Variants in PIK3CB observed in about 807,000 individuals in gnomAD.
The protein encoded by PIK3CB is phosphatidylinositol-4,5-bisphosphate 3-kinase catalytic subunit beta, also known as phosphatidylinositol 4,5-bisphosphate 3-kinase catalytic subunit beta isoform.
In PIK3CB, 39 loss-of-function variants were observed where a neutral mutation model predicts 136.8. The ratio of observed to expected loss-of-function variants is 0.29; its 90% CI spans 0.22 to 0.37. The LOEUF (loss-of-function observed/expected upper bound fraction) is 0.37. Ranked by LOEUF, PIK3CB falls within the 10% of genes least tolerant of loss-of-function variation. The pLI is 1.00. For missense variants in PIK3CB, 868 were observed against 1,275.4 expected (o/e 0.68, Z 4.87); for synonymous variants, 428 against 436.6 (o/e 0.98, Z 0.25).
chr3:138,775,219 C>G (rs1017232887), intron 2 of PIK3CB, among the ~76,000 whole-genome samples: 1 of 152,198 alleles, frequency 6.6e-6, no homozygotes, highest in African/African-American at 2.4e-5. Context: ...ATAATGTCAT[C>G]TCAGTGCTAG....
At chr3:138,823,443 G>A (rs780339909) in intron 1 of PIK3CB, among the ~76,000 whole-genome samples, 1 of 151,190 alleles carries the variant, frequency 6.6e-6, no homozygotes, top group East Asian at 1.9e-4. Context: ...GGTGGCTCAC[G>A]CCTGAAATCC....
At chr3:138,669,688 A>G (rs1430295447) in intron 19 of PIK3CB, among the ~76,000 whole-genome samples, 1 of 152,210 alleles carries the variant, frequency 6.6e-6, no homozygotes, top group Non-Finnish European at 1.5e-5. Flanking sequence ...CATGAAAGGT[A>G]TCAAAAGAGT....
intron 10 of PIK3CB, among the ~76,000 whole-genome samples, chr3:138,710,848 G>A (rs1190116734): frequency 1.3e-5 from 2 of 152,122 alleles, no homozygotes; most frequent in Admixed American, 6.5e-5. Flanking sequence ...ACTCTGGGAG[G>A]CTGAGGTGGG....
At chr3:138,781,479 G>A (rs963776951) in intron 2 of PIK3CB, among the ~76,000 whole-genome samples, 4 of 150,758 alleles carry the variant, frequency 2.7e-5, no homozygotes, top group African/African-American at 9.8e-5. Context: ...TTGAGATGGA[G>A]TCCCACTCTG....
At chr3:138,673,456 CT>C (rs1249024897) in intron 19 of PIK3CB, among the ~76,000 whole-genome samples, 2 of 152,044 alleles carry the variant, frequency 1.3e-5, no homozygotes, top group Non-Finnish European at 2.9e-5. Context: ...CGAGAACAGA[CT>C]TTTTAAAAAC....
intron 1 of PIK3CB, chr3:138,825,330 A>T: frequency 2.0e-6 from 1 of 506,262 alleles, no homozygotes; most frequent in South Asian, 3.1e-5. Context: ...TGGTATCTCC[A>T]AAAATGGGCA....
intron 4 of PIK3CB, among the ~76,000 whole-genome samples, chr3:138,746,690 A>G (rs1226654265): frequency 1.3e-5 from 2 of 151,838 alleles, no homozygotes; most frequent in African/African-American, 4.8e-5. Context: ...AATTAAAAAT[A>G]AAAATAAATA....
chr3:138,767,721 G>A (rs1049098711), intron 2 of PIK3CB, among the ~76,000 whole-genome samples: 20 of 152,154 alleles, frequency 1.3e-4, no homozygotes, highest in African/African-American at 4.6e-4. Context: ...GTGCCAGTAC[G>A]GGCACCAGCT....
rs1204931131 is a variant in PIK3CB at position 138,787,531 on chromosome 3, C to T, written c.-17+8932G>A. Among the ~76,000 whole-genome samples, 5 of 152,142 alleles carry T rather than the reference C, an allele frequency of 3.3e-5. No homozygotes were observed. The East Asian group carries it at 9.6e-4, about 29-fold the overall frequency. On this transcript the variant is annotated intron_variant, in intron 2 of 23. Coordinates refer to ENST00000674063, the MANE Select transcript of PIK3CB (RefSeq NM_006219.3). ...CAAACAAGGTGCAAAGCTTCAAAAA[C>T]CTCTCTGTGGCAGCTGTAATCCCAT...
At chr3:138,747,653 T>A (rs2045387956) in intron 4 of PIK3CB, among the ~76,000 whole-genome samples, 1 of 152,220 alleles carries the variant, frequency 6.6e-6, no homozygotes, top group South Asian at 2.1e-4. Flanking sequence ...ATAATAGATT[T>A]ATGTGTATTT....
chr3:138,712,773 G>C (rs2044530842), intron 9 of PIK3CB, among the ~76,000 whole-genome samples: 1 of 152,020 alleles, frequency 6.6e-6, no homozygotes, highest in South Asian at 2.1e-4. Flanking sequence ...TGCCGTGTAG[G>C]ACAGGCTGGT....
At chr3:138,718,263 A>C (rs557108845) in intron 8 of PIK3CB, among the ~76,000 whole-genome samples, 10 of 152,038 alleles carry the variant, frequency 6.6e-5, no homozygotes, top group Non-Finnish European at 1.3e-4. Context: ...TTTGATTTGC[A>C]TTTCTCTAAT....
At chr3:138,663,633 C>A (rs1045001751) in intron 21 of PIK3CB, among the ~76,000 whole-genome samples, 1 of 152,106 alleles carries the variant, frequency 6.6e-6, no homozygotes, top group Non-Finnish European at 1.5e-5. Flanking sequence ...CCGGCCGGCT[C>A]GGGATCCCAA....
intron 19 of PIK3CB, among the ~76,000 whole-genome samples, chr3:138,669,045 T>C (rs566442085): frequency 6.6e-6 from 1 of 152,314 alleles, no homozygotes; most frequent in South Asian, 2.1e-4. Context: ...GCTTGCATTA[T>C]TTCCACCTTC....
At chr3:138,791,582 A>G (rs577223754) in intron 2 of PIK3CB, among the ~76,000 whole-genome samples, 1 of 152,256 alleles carries the variant, frequency 6.6e-6, no homozygotes, top group Admixed American at 6.6e-5. Flanking sequence ...TCAAGCCTCT[A>G]CCACATTCAC....
At chr3:138,764,367 C>T (rs1025917267) in intron 2 of PIK3CB, among the ~76,000 whole-genome samples, 2 of 151,756 alleles carry the variant, frequency 1.3e-5, no homozygotes, top group African/African-American at 2.4e-5. Flanking sequence ...AGGAGGATCA[C>T]TTGAGCCCAG....
intron 2 of PIK3CB, among the ~76,000 whole-genome samples, chr3:138,768,455 G>T (rs1312574287): frequency 6.6e-6 from 1 of 152,226 alleles, no homozygotes; most frequent in Admixed American, 6.5e-5. Context: ...GGAAGTGTGT[G>T]CCAACTGGTC....
At chr3:138,713,527 T>C (rs763671917) in intron 9 of PIK3CB, among the ~76,000 whole-genome samples, 10 of 151,880 alleles carry the variant, frequency 6.6e-5, no homozygotes, top group Non-Finnish European at 1.3e-4. Flanking sequence ...AAAAATTAGC[T>C]GAGTGTGGTA....
rs753018315 is a variant in PIK3CB, at chr3:138,779,388, C to CTTTT, written c.-17+17071_-17+17074dup. ...GGCGTGAGCCACCACGCCCGGCCTT[C>CTTTT]TTTTTTTTTTTTTTTTTTTTGAGAC... On this transcript the variant is annotated intron_variant, in intron 2 of 23. Transcript: ENST00000674063. Among the ~76,000 whole-genome samples the CTTTT allele has an allele frequency of 6.6e-4, 74 of 112,022 alleles. 1 individual carries two copies. The highest frequency in any genetic ancestry group is 1.2e-3 in the Admixed American group (11 of 9,122). 73.5% of individuals were successfully genotyped at this position (112,022 alleles called of 152,430 possible).
Sources: allele counts gnomAD v4.1 joint callset (sites outside exome capture counted in the v4.1 genomes callset), GRCh38; gene constraint gnomAD v4.1.1; transcripts MANE v1.5; gene names NCBI Gene and HGNC (gene_info 2026-07-23, HGNC 2026-07-21).